The following CA5A variants were observed in gnomAD, a reference collection of about 807,000 sequenced individuals.
The protein encoded by CA5A is carbonic anhydrase 5A, mitochondrial.
In CA5A, 28 loss-of-function variants were observed where a neutral mutation model predicts 37.1. The ratio of observed to expected loss-of-function variants is 0.75; its 90% CI spans 0.56 to 1.03. CA5A has a LOEUF of 1.03. CA5A is among the 50% of genes least tolerant of loss of function. The pLI is 0.00. For synonymous variants in CA5A, 171 were observed against 158.4 expected, an observed-to-expected ratio of 1.08 and a Z score of -0.60; for missense variants, 444 against 399.9, an observed-to-expected ratio of 1.11 and a Z score of -0.94.
In CA5A at chr16:87,936,406, C is replaced by G. The variant is rs1477263516; in HGVS notation, c.45G>C (p.Leu15Phe). The G allele has an allele frequency of 6.2e-7, 1 of 1,614,058 alleles. No individual in the cohort carries two copies. Among genetic ancestry groups the G allele is most frequent in the Admixed American group, 1.7e-5 (1 of 60,010 alleles). ...AGAGAGGGGCCCACATCTGCTCAAC[C>G]AAGAAGGAGAAAGCTGAGGTCTTCC... ...NTWKTSAFSF[L>F]VEQMWAPLWS... The change falls in exon 1 of 7, where the codon TTG (leucine) becomes TTC (phenylalanine). Residue 15 changes from leucine to phenylalanine, a missense_variant. By Grantham distance (22) the Leu-to-Phe change is conservative. Transcript: ENST00000649794.
At chr16:87,912,759 C>A (rs1042363654) in intron 2 of CA5A, among the ~76,000 whole-genome samples, 3 of 152,204 alleles carry the variant, frequency 2.0e-5, no homozygotes, top group African/African-American at 7.2e-5. Flanking sequence ...TTCAGTGGAG[C>A]CCTGAAGATG....
chr16:87,914,844 C>T lies in CA5A; in HGVS notation c.341-9940G>A, dbSNP rs921700646. On this transcript the variant is annotated intron_variant, in intron 2 of 6. Transcript: ENST00000649794. ...TTCCCTAGGCAAGGTTCTCATTCCC[C>T]TCGTCAGGGGAGGGGATGGGCACAG... is the stretch of plus-strand genomic sequence containing the variant. Among the ~76,000 whole-genome samples, 8 of 152,328 alleles carry T rather than the reference C, an allele frequency of 5.3e-5. No homozygotes were observed. In the East Asian group the frequency reaches 1.5e-3, roughly 29 times the overall value.
intron 2 of CA5A, among the ~76,000 whole-genome samples, chr16:87,921,429 T>A (rs1261613777): frequency 3.9e-5 from 6 of 152,218 alleles, no homozygotes; most frequent in Non-Finnish European, 8.8e-5. Flanking sequence ...AGGAGGGCCC[T>A]CACCTGCTGC....
chr16:87,907,290 A>G (rs1389174761), intron 2 of CA5A, among the ~76,000 whole-genome samples: 3 of 152,114 alleles, frequency 2.0e-5, no homozygotes, highest in African/African-American at 4.8e-5. Context: ...CAGAACCACA[A>G]AATGGGAGCA....
chr16:87,900,834 G>A (rs185501473), intron 5 of CA5A, among the ~76,000 whole-genome samples: 4 of 152,382 alleles, frequency 2.6e-5, no homozygotes, highest in African/African-American at 9.6e-5. Flanking sequence ...GGGATTTGAG[G>A]TTTTTGTTTC....
chr16:87,908,654 A>C (rs1283463630), intron 2 of CA5A, among the ~76,000 whole-genome samples: 1 of 152,174 alleles, frequency 6.6e-6, no homozygotes, highest in African/African-American at 2.4e-5. Flanking sequence ...TGGGACCGGA[A>C]GGGACTTGTG....
intron 2 of CA5A, among the ~76,000 whole-genome samples, chr16:87,915,909 G>A (rs992325864): frequency 4.0e-5 from 6 of 151,872 alleles, no homozygotes; most frequent in South Asian, 2.1e-4. Flanking sequence ...AGCCATACCC[G>A]AGACTGGGTA....
intron 6 of CA5A, among the ~76,000 whole-genome samples, chr16:87,890,500 C>T (rs2055697371): frequency 2.0e-5 from 3 of 152,150 alleles, no homozygotes; most frequent in South Asian, 2.1e-4. Flanking sequence ...AAACGTCTGC[C>T]GGGCGGGGGC....
chr16:87,924,506 C>T (rs191585373), intron 2 of CA5A, among the ~76,000 whole-genome samples: 171 of 152,358 alleles, frequency 1.1e-3, no homozygotes, highest in Non-Finnish European at 1.5e-3. Flanking sequence ...TGCCTCTCCC[C>T]GGGCTCCAGG....
chr16:87,930,834 T>C (rs563672317), intron 1 of CA5A, among the ~76,000 whole-genome samples: 1 of 150,764 alleles, frequency 6.6e-6, no homozygotes, highest in South Asian at 2.1e-4. Flanking sequence ...TCCAACTCCC[T>C]GGTTCAGGCG....
chr16:87,936,189 A>G (rs868095756), intron 1 of CA5A, 120 bp downstream of exon 1: 2 of 669,690 alleles, frequency 3.0e-6, no homozygotes, highest in South Asian at 2.0e-5. Flanking sequence ...AAAAAAAAAA[A>G]ACGGAGTGGA....
intron 5 of CA5A, among the ~76,000 whole-genome samples, chr16:87,899,130 G>A (rs1218506312): frequency 3.3e-5 from 5 of 151,992 alleles, no homozygotes; most frequent in South Asian, 2.1e-4. Flanking sequence ...CTGAACCCAG[G>A]AGTCCAACTG....
In CA5A at chr16:87,934,732, G is replaced by T. The variant is rs1042403133; in HGVS notation, c.142+1577C>A. Among the ~76,000 whole-genome samples, 5 of 152,222 alleles carry T rather than the reference G, an allele frequency of 3.3e-5. 1 individual carries two copies. Among genetic ancestry groups the T allele is most frequent in the Non-Finnish European group, 7.3e-5 (5 of 68,038 alleles). On this transcript the variant is annotated intron_variant, in intron 1 of 6. Coordinates refer to ENST00000649794, the MANE Select transcript of CA5A (RefSeq NM_001739.2). ...CCCAGCACTTTAGGAGGCCGAGGCA[G>T]GTAGACCACCTGAGGTCGGGAGTTT...
chr16:87,913,421 G>A (rs539283644), intron 2 of CA5A, among the ~76,000 whole-genome samples: 11 of 150,924 alleles, frequency 7.3e-5, no homozygotes, highest in Non-Finnish European at 1.6e-4. Context: ...TCCCCTCTCT[G>A]CCTCCTGAGT....
chr16:87,915,526 A>AAT (rs776756919), intron 2 of CA5A, among the ~76,000 whole-genome samples: 2 of 73,012 alleles, frequency 2.7e-5, no homozygotes, highest in East Asian at 5.3e-4. Flanking sequence ...CTGTGTCAAA[A>AAT]TTTTTTTTTT....
chr16:87,910,052 T>C (rs1235177769), intron 2 of CA5A, among the ~76,000 whole-genome samples: 1 of 152,042 alleles, frequency 6.6e-6, no homozygotes, highest in Non-Finnish European at 1.5e-5. Flanking sequence ...ACGAAGTCCT[T>C]AGCACAACGC....
chr16:87,924,004 T>C (rs2056266609), intron 2 of CA5A: 1 of 985,314 alleles, frequency 1.0e-6, no homozygotes, highest in African/African-American at 1.7e-5. Flanking sequence ...CAATCTGAGT[T>C]GCTTCTTGGG....
At chr16:87,922,644 G>A (rs1000135446) in intron 2 of CA5A, among the ~76,000 whole-genome samples, 2 of 152,220 alleles carry the variant, frequency 1.3e-5, no homozygotes, top group South Asian at 2.1e-4. Context: ...CACAGCCTCC[G>A]CTGGGCTTGA....
At chr16:87,888,298 G>C (rs2055666996) in intron 6 of CA5A, 26 bp from the exon 7 acceptor site, 2 of 1,602,434 alleles carry the variant, frequency 1.2e-6, no homozygotes, top group Non-Finnish European at 1.7e-6. Context: ...GCCAGGGTGA[G>C]CTTGGTATGA....
Sources: allele counts gnomAD v4.1 joint callset (sites outside exome capture counted in the v4.1 genomes callset), GRCh38; gene constraint gnomAD v4.1.1; transcripts MANE v1.5; gene names NCBI Gene and HGNC (gene_info 2026-07-23, HGNC 2026-07-21).